MELK: variants seen among roughly 807,000 people sequenced by gnomAD.
MELK encodes maternal embryonic leucine zipper kinase.
Under a neutral mutation model 85.0 loss-of-function variants are expected in MELK, and 81 were observed. That is an observed-to-expected ratio of 0.95 (90% CI 0.80 to 1.15). MELK has a LOEUF of 1.15. MELK is among the 50% of genes most tolerant of loss of function. MELK has a pLI of 0.00. For missense variants in MELK, 754 were observed against 777.5 expected (o/e 0.97, Z 0.36); for synonymous variants, 252 against 265.0 (o/e 0.95, Z 0.48).
intron 1 of MELK, among the ~76,000 whole-genome samples, chr9:36,575,272 C>T (rs950961996): frequency 1.3e-5 from 2 of 152,190 alleles, no homozygotes; most frequent in African/African-American, 2.4e-5. Context: ...GGCTGTCTTC[C>T]GCGTTGACTG....
intron 1 of MELK, among the ~76,000 whole-genome samples, chr9:36,575,149 A>ACAAAAG (rs1159337620): frequency 4.6e-5 from 7 of 152,150 alleles, no homozygotes; most frequent in Admixed American, 3.3e-4. Context: ...AAAAACAAAA[A>ACAAAAG]CAAAACCCAA....
intron 13 of MELK, among the ~76,000 whole-genome samples, chr9:36,661,562 A>T (rs1231597737): frequency 6.6e-6 from 1 of 152,202 alleles, no homozygotes; most frequent in Non-Finnish European, 1.5e-5. Flanking sequence ...AGAAAGTAAG[A>T]TTTCCTTAAT....
At chr9:36,578,469 A>C (rs1821869854) in intron 1 of MELK, among the ~76,000 whole-genome samples, 1 of 152,196 alleles carries the variant, frequency 6.6e-6, no homozygotes, top group South Asian at 2.1e-4. Flanking sequence ...TGTAGTAAAA[A>C]TCATTAGATG....
chr9:36,611,830 G>A (rs976107426), intron 8 of MELK, among the ~76,000 whole-genome samples: 2 of 151,510 alleles, frequency 1.3e-5, no homozygotes, highest in African/African-American at 4.9e-5. Flanking sequence ...CTAGAGTGCA[G>A]TGGTTAGATT....
intron 14 of MELK, among the ~76,000 whole-genome samples, chr9:36,666,374 G>A (rs1297700774): frequency 1.3e-5 from 2 of 152,086 alleles, no homozygotes; most frequent in African/African-American, 2.4e-5. Context: ...GCATGGCATG[G>A]TCTGTAGTAG....
intron 11 of MELK, among the ~76,000 whole-genome samples, chr9:36,644,022 A>G (rs1830008095): frequency 6.6e-6 from 1 of 152,150 alleles, no homozygotes; most frequent in South Asian, 2.1e-4. Context: ...GTTCTCTAAC[A>G]TGCAACTGGG....
intron 12 of MELK, among the ~76,000 whole-genome samples, chr9:36,654,723 G>A (rs1175761516): frequency 6.6e-6 from 1 of 152,032 alleles, no homozygotes; most frequent in South Asian, 2.1e-4. Flanking sequence ...AAGTGGAAAA[G>A]ACCTGGAAAT....
intron 7 of MELK, chr9:36,606,664 T>C (rs1374161684): frequency 6.8e-6 from 1 of 146,852 alleles, no homozygotes; most frequent in Non-Finnish European, 1.5e-5. Context: ...TATGTATATG[T>C]ATATATGGAC....
Position 36,655,331 on chromosome 9 carries a change from A to G in MELK, c.1054-1910A>G, listed in dbSNP as rs554487993. 1.5e-4 allele frequency among the ~76,000 whole-genome samples: 23 copies of G among 152,316 alleles called. No homozygotes were observed. In the South Asian group the frequency reaches 4.8e-3, roughly 32 times the overall value. On this transcript the variant is annotated intron_variant, in intron 12 of 17. Coordinates refer to ENST00000298048, the MANE Select transcript of MELK (RefSeq NM_014791.4). ...AGTCAAGGTTAGAAAGATGGAAAAG[A>G]AGTGGCACAACATTCAGGGCAAGAT...
Position 36,624,688 on chromosome 9 carries a change from C to T in MELK, c.667-5611C>T, listed in dbSNP as rs1387538248. Among the ~76,000 whole-genome samples, 3 of 152,114 alleles carry T rather than the reference C, an allele frequency of 2.0e-5. No homozygotes were observed. The East Asian group carries it at 5.8e-4, about 29-fold the overall frequency. On this transcript the variant is annotated intron_variant, in intron 8 of 17. Transcript: ENST00000298048. ...TTTGGAATCAGTATGGTAGAGCTCT[C>T]TTTATTTAGTACTTTGGTCTGAGTA... is the stretch of plus-strand genomic sequence containing the variant.
At chr9:36,666,735 G>C (rs557872286) in intron 14 of MELK, among the ~76,000 whole-genome samples, 21 of 152,230 alleles carry the variant, frequency 1.4e-4, no homozygotes, top group African/African-American at 5.1e-4. Context: ...GGAAGACTTT[G>C]CCAGAATATT....
At chr9:36,615,518 C>T (rs961722583) in intron 8 of MELK, among the ~76,000 whole-genome samples, 3 of 134,406 alleles carry the variant, frequency 2.2e-5, no homozygotes, top group Non-Finnish European at 4.9e-5. Context: ...CCCTCCCGGA[C>T]GGGGTGGCTG....
intron 3 of MELK, among the ~76,000 whole-genome samples, chr9:36,588,240 TTG>T (rs1039135476): frequency 7.3e-6 from 1 of 137,416 alleles, no homozygotes; most frequent in African/African-American, 3.1e-5. Context: ...ATTTTTAATT[TTG>T]TGTTTTTAGT....
At chr9:36,605,592 G>A (rs1010459840) in intron 7 of MELK, among the ~76,000 whole-genome samples, 3 of 152,028 alleles carry the variant, frequency 2.0e-5, no homozygotes, top group Middle Eastern at 3.4e-3. Flanking sequence ...TCTCGGAGGC[G>A]TAAATGGTCA....
intron 6 of MELK, among the ~76,000 whole-genome samples, chr9:36,599,107 C>A (rs561644536): frequency 2.6e-5 from 4 of 152,160 alleles, no homozygotes; most frequent in African/African-American, 9.6e-5. Flanking sequence ...ACTAGCCCAG[C>A]CAACATGGCA....
At chr9:36,666,809 C>T (rs948494398) in intron 14 of MELK, among the ~76,000 whole-genome samples, 11 of 150,776 alleles carry the variant, frequency 7.3e-5, no homozygotes, top group African/African-American at 2.0e-4. Flanking sequence ...TAACACTTTC[C>T]GCCAAAATGT....
chr9:36,665,715 C>A, intron 14 of MELK, 134 bp downstream of exon 14: 1 of 605,584 alleles, frequency 1.7e-6, no homozygotes. Flanking sequence ...TTTATCATGT[C>A]ATTTGCATTA....
Position 36,667,130 on chromosome 9 carries a change from C to T in MELK, c.1408+1549C>T, listed in dbSNP as rs563200503. On this transcript the variant is annotated intron_variant, in intron 14 of 17. Transcript: ENST00000298048. ...CCTCAGCTCACCTTAGCTCATTCAA[C>T]GATCTTTTTTTTCCCCTTTTTTTCT... 4.6e-5 allele frequency among the ~76,000 whole-genome samples: 7 copies of T among 151,620 alleles called. No individual in the cohort carries two copies. In the East Asian group the frequency reaches 5.8e-4, roughly 13 times the overall value.
At chr9:36,640,500 G>A (rs1206046667) in intron 10 of MELK, among the ~76,000 whole-genome samples, 1 of 152,134 alleles carries the variant, frequency 6.6e-6, no homozygotes, top group African/African-American at 2.4e-5. Context: ...GGGCTGGAGT[G>A]CAGTGGCTTG....
Sources: allele counts gnomAD v4.1 joint callset (sites outside exome capture counted in the v4.1 genomes callset), GRCh38; gene constraint gnomAD v4.1.1; transcripts MANE v1.5; gene names NCBI Gene and HGNC (gene_info 2026-07-23, HGNC 2026-07-21).